Variants in THNSL1 observed in about 807,000 individuals in gnomAD.
THNSL1 encodes threonine synthase like 1.
In THNSL1, 48 loss-of-function variants were observed where a neutral mutation model predicts 50.4. The observed-to-expected ratio is 0.95, with a 90% CI of 0.76 to 1.21. The LOEUF (loss-of-function observed/expected upper bound fraction) is 1.21. Among genes scored for constraint, THNSL1 ranks in the 50% most tolerant of loss-of-function variants. THNSL1 has a pLI of 0.00. For missense variants in THNSL1, 896 were observed against 871.7 expected (o/e 1.03, Z -0.35); for synonymous variants, 309 against 306.1 (o/e 1.01, Z -0.10).
At chr10:25,011,917 G>C (rs1443569702), upstream of THNSL1, among the ~76,000 whole-genome samples, 1 of 152,188 alleles carries the variant, frequency 6.6e-6, no homozygotes, top group Non-Finnish European at 1.5e-5. Context: ...GCCTGTCAGA[G>C]GTCTCCACAG....
the THNSL1 span, among the ~76,000 whole-genome samples, chr10:24,964,335 C>CAGT: frequency 6.6e-6 from 1 of 152,140 alleles, no homozygotes; most frequent in Non-Finnish European, 1.5e-5. Flanking sequence ...GACCCGTAGA[C>CAGT]AGTAGGTCTG....
At chr10:25,007,576 A>AT in the THNSL1 span, among the ~76,000 whole-genome samples, 1 of 152,116 alleles carries the variant, frequency 6.6e-6, no homozygotes, top group Non-Finnish European at 1.5e-5. Context: ...CTGGGACTAC[A>AT]GGCGCCCGCC....
At chr10:25,015,631 A>G (rs1380682845), upstream of THNSL1, among the ~76,000 whole-genome samples, 2 of 152,236 alleles carry the variant, frequency 1.3e-5, no homozygotes, top group Admixed American at 1.3e-4. Context: ...TAAGTGTAAT[A>G]TAATAAAATG....
the THNSL1 span, among the ~76,000 whole-genome samples, chr10:25,002,893 C>T: frequency 1.1e-4 from 17 of 151,288 alleles, no homozygotes; most frequent in African/African-American, 3.2e-4. Context: ...GATATGGTCT[C>T]GTGATTAATA....
At chr10:25,018,576 T>C (rs1432890384) in intron 1 of THNSL1, among the ~76,000 whole-genome samples, 1 of 152,044 alleles carries the variant, frequency 6.6e-6, no homozygotes, top group Non-Finnish European at 1.5e-5. Flanking sequence ...GGGCCAGATT[T>C]AGCCTGTGGA....
chr10:25,004,169 G>A, the THNSL1 span, among the ~76,000 whole-genome samples: 2 of 152,166 alleles, frequency 1.3e-5, no homozygotes, highest in African/African-American at 4.8e-5. Flanking sequence ...TCTTTATCCA[G>A]TCTATCACTG....
In THNSL1 at chr10:25,026,382, G is replaced by T. The variant is rs187419535; in HGVS notation, c.*927G>T. On this transcript the variant is annotated 3_prime_UTR_variant, in exon 3 of 3. Transcript: ENST00000376356. ...ACTACTTAGAAGTGAATACAGAAAT[G>T]ATCTATTTCAAGAGGAAGGTTTTCC... 3.8e-3 allele frequency: 636 copies of T among 167,050 alleles called. 5 individuals are homozygous for T. The highest frequency in any genetic ancestry group is 4.2e-3 in the Non-Finnish European group (289 of 68,112). The allele number at this position is 167,050 out of a possible 1,614,324, so 10.3% of individuals were successfully genotyped here. A position where few individuals can be genotyped will look rare whatever the true frequency, so the allele number is the denominator to read the frequency against.
Position 25,025,275 on chromosome 10 carries a change from C to G in THNSL1, c.2052C>G (p.Ile684Met). 1 of 1,614,158 alleles carries G rather than the reference C, an allele frequency of 6.2e-7. No homozygotes were observed. The highest frequency in any genetic ancestry group is 1.6e-4 in the Middle Eastern group (1 of 6,062). ...AIMQALKIKE[I>M]NETSSSQLYL... ...TGCAGGCTTTAAAGATTAAAGAAAT[C>G]AATGAGACTTCATCAAGTCAGCTCT... is the stretch of plus-strand genomic sequence containing the variant. The change falls in exon 3 of 3, where the codon ATC (isoleucine) becomes ATG (methionine). Residue 684 changes from isoleucine (I) to methionine (M), a missense_variant. By Grantham distance (10) the Ile-to-Met change is conservative. Transcript: ENST00000376356.
At chr10:24,963,413 G>A in the THNSL1 span, among the ~76,000 whole-genome samples, 19 of 152,274 alleles carry the variant, frequency 1.2e-4, no homozygotes, top group East Asian at 1.2e-3. Flanking sequence ...TGCTTTAGGC[G>A]TAGTTCTCAG....
the THNSL1 span, among the ~76,000 whole-genome samples, chr10:25,006,791 C>G: frequency 5.3e-5 from 8 of 152,144 alleles, no homozygotes; most frequent in Non-Finnish European, 8.8e-5. Flanking sequence ...AAGAACTGTG[C>G]AAACCAATTA....
chr10:24,961,285 ACTC>A, the THNSL1 span, among the ~76,000 whole-genome samples: 1 of 152,010 alleles, frequency 6.6e-6, no homozygotes. Flanking sequence ...AGTATAATAA[ACTC>A]CTTATAAACA....
chr10:25,025,037 C>G lies in THNSL1; in HGVS notation c.1814C>G (p.Ala605Gly). Residue 605 changes from alanine (A) to glycine (G), a missense_variant, in exon 3 of 3, where the codon GCT (alanine) becomes GGT (glycine). Transcript: ENST00000376356. ...CAGCATCATTTCCAGATAGAAAAGG[C>G]TCTAGTTGAGAAACTTCAGCAGGAT... is the stretch of plus-strand genomic sequence containing the variant. ...ESQHHFQIEK[A>G]LVEKLQQDFV... 1 of 1,614,184 alleles carries G rather than the reference C, an allele frequency of 6.2e-7. No individual in the cohort carries two copies. The highest frequency in any genetic ancestry group is 1.3e-5 in the African/African-American group (1 of 75,038).
chr10:24,959,415 G>A, the THNSL1 span, among the ~76,000 whole-genome samples: 14 of 152,218 alleles, frequency 9.2e-5, no homozygotes, highest in African/African-American at 3.1e-4. Context: ...GAGAGATGTG[G>A]CTTGAGAGTG....
the THNSL1 span, chr10:24,952,489 G>A: frequency 1.3e-6 from 2 of 1,559,064 alleles, no homozygotes; most frequent in Non-Finnish European, 1.7e-6. The surrounding 1 kb of genome is among the most constrained non-coding windows in gnomAD (Gnocchi z 5.1). Context: ...GGGAGGGAGG[G>A]GAGCGGGCCG....
At chr10:24,999,356 CT>C in the THNSL1 span, 1 of 1,540,860 alleles carries the variant, frequency 6.5e-7, no homozygotes, top group African/African-American at 1.4e-5. Context: ...GTTAAATCAC[CT>C]GCTAATGCTT....
At chr10:25,017,493 G>C (rs1048394308) in intron 1 of THNSL1, among the ~76,000 whole-genome samples, 1 of 152,102 alleles carries the variant, frequency 6.6e-6, no homozygotes. Context: ...TTGGCTGGCG[G>C]AGTGATTAAA....
At chr10:24,982,753 T>C in the THNSL1 span, 5 of 152,334 alleles carry the variant, frequency 3.3e-5, no homozygotes, top group Non-Finnish European at 4.4e-5. Flanking sequence ...TGGATGGGAA[T>C]GTTTCCCTCT....
the THNSL1 span, among the ~76,000 whole-genome samples, chr10:25,001,296 T>G: frequency 6.6e-6 from 1 of 151,868 alleles, no homozygotes; most frequent in African/African-American, 2.4e-5. Context: ...TTTCTTTTTT[T>G]TCCTCTGGCT....
At chr10:24,973,909 A>G in the THNSL1 span, among the ~76,000 whole-genome samples, 68 of 152,170 alleles carry the variant, frequency 4.5e-4, 1 homozygote, top group Non-Finnish European at 7.1e-4. Flanking sequence ...GTTCGCCACC[A>G]CGCCCGGCTA....
Sources: allele counts gnomAD v4.1 joint callset (sites outside exome capture counted in the v4.1 genomes callset), GRCh38; gene constraint gnomAD v4.1.1; non-coding constraint Gnocchi (gnomAD v3.1); transcripts MANE v1.5; gene names NCBI Gene and HGNC (gene_info 2026-07-23, HGNC 2026-07-21).